Variants in SLC6A13 observed in about 807,000 individuals in gnomAD.
SLC6A13 encodes the protein sodium- and chloride-dependent GABA transporter 2.
In SLC6A13, 69 loss-of-function variants were observed where a neutral mutation model predicts 72.9. That is an observed-to-expected ratio of 0.95 (90% CI 0.78 to 1.16). The LOEUF (loss-of-function observed/expected upper bound fraction) is 1.16, where lower values mean the gene tolerates loss of function less well. SLC6A13 is among the 50% of genes most tolerant of loss of function. SLC6A13 has a pLI of 0.00. For synonymous variants in SLC6A13, 303 were observed against 303.0 expected (o/e 1.00, Z 0.00); for missense variants, 735 against 760.5 (o/e 0.97, Z 0.39).
At chr12:232,226 C>T (rs3782862) in intron 7 of SLC6A13, among the ~76,000 whole-genome samples, 39,939 of 152,152 alleles carry the variant, frequency 0.26, 5,576 homozygotes, top group East Asian at 0.37. Context: ...TGCCAGCCTA[C>T]CTGCCTGTCA....
intron 5 of SLC6A13, 86 bp from the exon 6 acceptor site, chr12:237,376 GCCTC>G: frequency 2.7e-6 from 4 of 1,466,724 alleles, no homozygotes; most frequent in Non-Finnish European, 3.8e-6. Context: ...AGCTGAGCCT[GCCTC>G]CAGGCTCTTG....
chr12:224,388 T>A lies in SLC6A13; in HGVS notation c.1173+13A>T, dbSNP rs1368692518. On this transcript the variant is annotated intron_variant, in intron 10 of 14. Coordinates refer to ENST00000343164, the MANE Select transcript of SLC6A13 (RefSeq NM_016615.5). ...ACTCATCTCTCAGCCTCTGAGTGGC[T>A]GCCTCTTGATACCTGGCTATCCAGT... 6.2e-7 allele frequency: 1 copy of A among 1,606,052 alleles called. No homozygotes were observed. The highest frequency in any genetic ancestry group is 1.7e-5 in the Admixed American group (1 of 60,018).
At chr12:238,592 G>A (rs911843923) in intron 4 of SLC6A13, among the ~76,000 whole-genome samples, 7 of 152,210 alleles carry the variant, frequency 4.6e-5, no homozygotes, top group Non-Finnish European at 4.4e-5. Flanking sequence ...TTTATTATTT[G>A]TGTGTGACTT....
At chr12:222,354 G>A (rs1202172231) in intron 13 of SLC6A13, among the ~76,000 whole-genome samples, 178 bp downstream of exon 13, 16 of 152,184 alleles carry the variant, frequency 1.1e-4, no homozygotes, top group Admixed American at 1.0e-3. Flanking sequence ...TCTGTGAAAT[G>A]GAAAGGAAGA....
chr12:237,112 G>A (rs746191951), intron 6 of SLC6A13, 46 bp downstream of exon 6: 1 of 1,607,424 alleles, frequency 6.2e-7, no homozygotes, highest in South Asian at 1.1e-5. Flanking sequence ...CCCCCAGTGA[G>A]GGCAGGAGTC....
chr12:256,980 G>T (rs1296910311), intron 2 of SLC6A13, among the ~76,000 whole-genome samples: 2 of 152,074 alleles, frequency 1.3e-5, no homozygotes, highest in Non-Finnish European at 2.9e-5. Context: ...GGAGGAAAGG[G>T]GTCCAACCAA....
chr12:236,169 G>A (rs558748306), intron 6 of SLC6A13, among the ~76,000 whole-genome samples: 71 of 152,290 alleles, frequency 4.7e-4, no homozygotes, highest in Non-Finnish European at 8.7e-4. Context: ...TCCCTCAGAA[G>A]CATGTGATCT....
chr12:261,711 A>G lies in SLC6A13; in HGVS notation c.-6+1078T>C, dbSNP rs188553505. 2.5e-3 allele frequency among the ~76,000 whole-genome samples: 381 copies of G among 152,270 alleles called. 8 individuals are homozygous for G. In the East Asian group the frequency reaches 0.058, roughly 23 times the overall value. On this transcript the variant is annotated intron_variant, in intron 1 of 14. Transcript: ENST00000343164. The stretch of plus-strand genomic sequence containing the variant: ...GAGGCCGAGGCGGGTGGATCTCCTG[A>G]GGTCAGGAGTTTGAGACCAGCCTGG...
intron 11 of SLC6A13, 40 bp downstream of exon 11, chr12:223,952 C>T (rs764650538): frequency 1.2e-5 from 20 of 1,609,892 alleles, no homozygotes; most frequent in Non-Finnish European, 1.7e-5. Flanking sequence ...TGTCACTTGG[C>T]TCCTCCTCCC....
rs192939340 is a variant in SLC6A13 at position 233,423 on chromosome 12, G to T, written c.831+1667C>A. The stretch of plus-strand genomic sequence containing the variant: ...CAGGCAACACCACCCCTCCCTACCC[G>T]GACGGTAAAAAAGCCCGCTGTAGTA... On this transcript the variant is annotated intron_variant, in intron 7 of 14. Coordinates refer to ENST00000343164, the MANE Select transcript of SLC6A13 (RefSeq NM_016615.5). 3.4e-3 allele frequency among the ~76,000 whole-genome samples: 524 copies of T among 152,302 alleles called. 3 individuals are homozygous for T. The highest frequency in any genetic ancestry group is 6.0e-3 in the Non-Finnish European group (407 of 68,022).
Position 254,535 on chromosome 12 carries a change from C to T in SLC6A13, c.202+5316G>A, listed in dbSNP as rs1214559739. Among the ~76,000 whole-genome samples, 3 of 152,156 alleles carry T rather than the reference C, an allele frequency of 2.0e-5. No homozygotes were observed. Among genetic ancestry groups the T allele is most frequent in the African/African-American group, 7.2e-5 (3 of 41,418 alleles). ...GCAGCCTTTGCTGCAGTTAATTTCT[C>T]CCTCCTCCCTGATAGAATTTCTTCA... On this transcript the variant is annotated intron_variant, in intron 2 of 14. Transcript: ENST00000343164. The surrounding 1 kb of genome is among the most constrained non-coding windows in gnomAD (Gnocchi z 4.4).
chr12:236,910 C>T (rs118013670), intron 6 of SLC6A13: 4,318 of 405,894 alleles, frequency 0.011, 51 homozygotes, highest in Non-Finnish European at 0.014. Context: ...GCCCACCCAT[C>T]GTCAGTTCCA....
At chr12:240,131 T>A (rs1834763126) in intron 4 of SLC6A13, among the ~76,000 whole-genome samples, 1 of 151,940 alleles carries the variant, frequency 6.6e-6, no homozygotes, top group Admixed American at 6.6e-5. Context: ...TCAAGGGTGG[T>A]CTCAGTACAC....
intron 2 of SLC6A13, among the ~76,000 whole-genome samples, chr12:247,056 G>C (rs1350789306): frequency 7.1e-6 from 1 of 140,882 alleles, no homozygotes; most frequent in East Asian, 2.1e-4. Flanking sequence ...AAAGAAAAAA[G>C]AAATTTTTTA....
Position 226,442 on chromosome 12 carries a change from C to T in SLC6A13, c.1008G>A (p.Leu336=). The part of the protein sequence containing the change: ...FVAGFAIFSI[L]GFMSQEQGVP... The stretch of plus-strand genomic sequence containing the variant: ...CCCCCTGCTCCTGAGACATGAAGCC[C>T]AGGATGGAGAAGATGGCAAAGCCGG... Residue 336 remains leucine (L), a synonymous_variant, in exon 9 of 15, where the codon CTG becomes CTA. Coordinates refer to ENST00000343164, the MANE Select transcript of SLC6A13 (RefSeq NM_016615.5). 3.7e-6 allele frequency: 6 copies of T among 1,614,110 alleles called. No individual in the cohort carries two copies. The highest frequency in any genetic ancestry group is 1.7e-5 in the Admixed American group (1 of 60,024).
At chr12:235,409 T>C (rs949372959) in intron 6 of SLC6A13, among the ~76,000 whole-genome samples, 185 bp from the exon 7 acceptor site, 1 of 152,254 alleles carries the variant, frequency 6.6e-6, no homozygotes, top group African/African-American at 2.4e-5. Flanking sequence ...ATGGAGGGAC[T>C]GGCTGGAGCC....
chr12:231,936 G>T (rs1941725110), intron 7 of SLC6A13, among the ~76,000 whole-genome samples: 2 of 152,276 alleles, frequency 1.3e-5, no homozygotes, highest in South Asian at 4.1e-4. Context: ...TCCAAGAGTG[G>T]ATCATAAAGT....
At chr12:245,382 T>A (rs1363672748) in intron 2 of SLC6A13, among the ~76,000 whole-genome samples, 1 of 152,126 alleles carries the variant, frequency 6.6e-6, no homozygotes, top group Non-Finnish European at 1.5e-5. Flanking sequence ...TAAAGAATAT[T>A]TACAGAAATA....
intron 1 of SLC6A13, 144 bp downstream of exon 1, chr12:262,643 CTT>C: frequency 4.1e-6 from 4 of 977,640 alleles, no homozygotes; most frequent in Non-Finnish European, 4.9e-6. Flanking sequence ...AGCACATAAT[CTT>C]TGCATTTGCA....
Sources: gnomAD v4.1 joint callset for allele counts (sites outside exome capture counted in the v4.1 genomes callset) on GRCh38, gnomAD v4.1.1 for gene constraint, Gnocchi (gnomAD v3.1) non-coding constraint, MANE v1.5 for transcripts, NCBI Gene and HGNC (gene_info 2026-07-23, HGNC 2026-07-21) for gene names.